The following SLC39A11 variants were observed in gnomAD, a reference collection of about 807,000 sequenced individuals.
SLC39A11 encodes the protein solute carrier family 39 member 11, also known as zinc transporter ZIP11.
A neutral mutation model predicts 36.1 loss-of-function variants in SLC39A11; 33 were observed. The observed-to-expected ratio is 0.91, with a 90% CI of 0.69 to 1.22. The LOEUF (loss-of-function observed/expected upper bound fraction) is 1.22. Ranked by LOEUF, SLC39A11 falls within the 50% of genes most tolerant of loss-of-function variation. The pLI is 0.00. For synonymous variants in SLC39A11, 166 were observed against 170.3 expected (o/e 0.97, Z 0.20); for missense variants, 432 against 430.3 (o/e 1.00, Z -0.03).
intron 7 of SLC39A11, among the ~76,000 whole-genome samples, chr17:72,699,121 G>A (rs917708066): frequency 5.3e-5 from 8 of 152,122 alleles, no homozygotes; most frequent in Non-Finnish European, 8.8e-5. Context: ...GAGCCACAGC[G>A]CCTGGCCGGA....
At chr17:72,888,053 CATTTTTCT>C (rs1368975819) in intron 5 of SLC39A11, among the ~76,000 whole-genome samples, 2 of 152,178 alleles carry the variant, frequency 1.3e-5, no homozygotes, top group East Asian at 3.8e-4. Flanking sequence ...AAGAAACACA[CATTTTTCT>C]GTTTTTGTGA....
chr17:72,729,766 G>A (rs2074140062), intron 7 of SLC39A11, among the ~76,000 whole-genome samples: 1 of 151,758 alleles, frequency 6.6e-6, no homozygotes, highest in Admixed American at 6.6e-5. Context: ...CTATGCTCCT[G>A]ATGAAATGTA....
At chr17:72,707,523 A>G (rs1261049327) in intron 7 of SLC39A11, among the ~76,000 whole-genome samples, 1 of 152,238 alleles carries the variant, frequency 6.6e-6, no homozygotes, top group Non-Finnish European at 1.5e-5. Context: ...AGGCAGGGAG[A>G]CACTGGTGGT....
chr17:72,893,505 A>AT (rs2081870656), intron 5 of SLC39A11, among the ~76,000 whole-genome samples: 1 of 152,144 alleles, frequency 6.6e-6, no homozygotes, highest in Admixed American at 6.5e-5. Flanking sequence ...GAAGCTCAAT[A>AT]TAGCAGTGAG....
intron 4 of SLC39A11, among the ~76,000 whole-genome samples, chr17:73,001,978 C>T (rs2089850266): frequency 6.6e-6 from 1 of 152,126 alleles, no homozygotes; most frequent in Middle Eastern, 3.4e-3. Flanking sequence ...TGCCTAAAAC[C>T]CTCTGCTTGT....
chr17:72,839,265 G>A (rs2078703017), intron 6 of SLC39A11: 1 of 152,150 alleles, frequency 6.6e-6, no homozygotes, highest in Admixed American at 6.5e-5. Context: ...TGGTCTCTGT[G>A]GTTGGCCAAA....
chr17:72,735,769 G>A (rs1487559729), intron 7 of SLC39A11, among the ~76,000 whole-genome samples: 1 of 152,084 alleles, frequency 6.6e-6, no homozygotes, highest in Non-Finnish European at 1.5e-5. Context: ...TGGCTTTATG[G>A]GCCTGGGTGG....
At chr17:73,033,018 G>A (rs2058788097) in intron 3 of SLC39A11, among the ~76,000 whole-genome samples, 2 of 152,188 alleles carry the variant, frequency 1.3e-5, no homozygotes, top group South Asian at 2.1e-4. Flanking sequence ...ATCTTTCCAC[G>A]GACCAGGCAG....
intron 3 of SLC39A11, among the ~76,000 whole-genome samples, chr17:73,067,504 C>T (rs187919596): frequency 1.3e-5 from 2 of 152,328 alleles, no homozygotes; most frequent in Admixed American, 1.3e-4. Context: ...TAGATTTCTT[C>T]TACAGAAGAG....
chr17:72,845,256 T>C (rs767096412), intron 6 of SLC39A11, among the ~76,000 whole-genome samples: 8 of 152,144 alleles, frequency 5.3e-5, no homozygotes, highest in Non-Finnish European at 7.4e-5. Flanking sequence ...AAAACAAACA[T>C]TCTTATGCCT....
chr17:72,665,006 CT>C (rs1375672532), intron 7 of SLC39A11, among the ~76,000 whole-genome samples: 1 of 152,226 alleles, frequency 6.6e-6, no homozygotes, highest in Non-Finnish European at 1.5e-5. Context: ...TTCTTCAACT[CT>C]TTGAAGGCAA....
intron 5 of SLC39A11, among the ~76,000 whole-genome samples, chr17:72,896,360 C>A (rs934497444): frequency 6.6e-6 from 1 of 151,832 alleles, no homozygotes; most frequent in Admixed American, 6.6e-5. Flanking sequence ...TGCCACCACA[C>A]CCGGCTAATT....
chr17:72,675,327 C>G (rs1372624828), intron 7 of SLC39A11, among the ~76,000 whole-genome samples: 2 of 152,176 alleles, frequency 1.3e-5, no homozygotes, highest in African/African-American at 4.8e-5. Context: ...CAGGGAAACA[C>G]CATCTACGAA....
chr17:72,925,426 C>T (rs907587134), intron 5 of SLC39A11, among the ~76,000 whole-genome samples: 1 of 152,128 alleles, frequency 6.6e-6, no homozygotes, highest in Admixed American at 6.5e-5. Context: ...AAGACTGTAG[C>T]AGACTGTATT....
At chr17:72,826,209 C>T (rs1427102323) in intron 6 of SLC39A11, among the ~76,000 whole-genome samples, 2 of 152,106 alleles carry the variant, frequency 1.3e-5, no homozygotes, top group Non-Finnish European at 2.9e-5. Flanking sequence ...TCTCATGAGA[C>T]CTGGTTGTTT....
intron 5 of SLC39A11, among the ~76,000 whole-genome samples, chr17:72,864,510 C>T (rs183243926): frequency 6.6e-6 from 1 of 152,242 alleles, no homozygotes; most frequent in African/African-American, 2.4e-5. Flanking sequence ...TAACCGGGGT[C>T]CCCTGTTACT....
At chr17:72,715,806 C>A (rs762084742) in intron 7 of SLC39A11, among the ~76,000 whole-genome samples, 1 of 152,092 alleles carries the variant, frequency 6.6e-6, no homozygotes, top group African/African-American at 2.4e-5. Flanking sequence ...CGGGTTCAAG[C>A]GATTCTCGTG....
chr17:72,682,360 T>A (rs1383586972), intron 7 of SLC39A11, among the ~76,000 whole-genome samples: 1 of 129,338 alleles, frequency 7.7e-6, no homozygotes, highest in African/African-American at 2.9e-5. Context: ...ACCAAAAAGG[T>A]TGGAGACTGC....
chr17:72,728,891 G>A (rs1039069798), intron 7 of SLC39A11, among the ~76,000 whole-genome samples: 49 of 151,888 alleles, frequency 3.2e-4, no homozygotes, highest in African/African-American at 1.1e-3. Context: ...TCCCTTCCAC[G>A]CGACAACAAA....
Sources: allele counts gnomAD v4.1 joint callset (sites outside exome capture counted in the v4.1 genomes callset), GRCh38; gene constraint gnomAD v4.1.1; transcripts MANE v1.5; gene names NCBI Gene and HGNC (gene_info 2026-07-23, HGNC 2026-07-21).